Variants in TLR5 observed in about 807,000 individuals in gnomAD.
TLR5 encodes toll like receptor 5.
For missense variants in TLR5, 944 were observed against 999.8 expected (o/e 0.94, Z 0.75); for synonymous variants, 373 against 384.4 (o/e 0.97, Z 0.35).
rs550570603 is a variant in TLR5, at chr1:223,110,418, T to A, written c.*37A>T. On this transcript the variant is annotated 3_prime_UTR_variant, in exon 6 of 6. Transcript: ENST00000642603. ...GGTGCAAATACAAAGTGAAGAGTTA[T>A]TTGTGGCTTGAGATAAGTTGGAAAT... is the stretch of plus-strand genomic sequence containing the variant. 3 of 1,609,798 alleles carry A rather than the reference T, an allele frequency of 1.9e-6. No homozygotes were observed. Among genetic ancestry groups the A allele is most frequent in the East Asian group, 4.5e-5 (2 of 44,856 alleles).
chr1:223,114,081 AGT>A (rs1656505534), intron 5 of TLR5, among the ~76,000 whole-genome samples: 1 of 152,194 alleles, frequency 6.6e-6, no homozygotes, highest in East Asian at 1.9e-4. Flanking sequence ...GTTTAATAAA[AGT>A]GTGATAAGTG....
At position 223,110,537 on chromosome 1, in the gene TLR5, AGT is replaced by A; in HGVS notation, c.2493_2494del (p.Lys831AsnfsTer17). ...TTCTTTCTTTAGTATCTGTTGAGAGAGTTTATGAAGAAACCAGCCAACATCCT... is the reference window on the plus strand; with the variant it reads ...TTCTTTCTTTAGTATCTGTTGAGAGATTATGAAGAAACCAGCCAACATCCT... On this transcript the variant is annotated frameshift_variant, in exon 6 of 6. Transcript: ENST00000642603. LOFTEE classifies it low-confidence loss of function (END_TRUNC). 6.2e-7 allele frequency: 1 copy of A among 1,614,016 alleles called. No individual in the cohort carries two copies. Among genetic ancestry groups the A allele is most frequent in the Non-Finnish European group, 8.5e-7 (1 of 1,179,994 alleles).
At chr1:223,140,392 CA>C (rs1657790189) in intron 2 of TLR5, among the ~76,000 whole-genome samples, 2 of 151,984 alleles carry the variant, frequency 1.3e-5, no homozygotes, top group Non-Finnish European at 2.9e-5. Flanking sequence ...GCTAAAAATA[CA>C]AAAATTAGCT....
Position 223,110,361 on chromosome 1 carries a change from A to C in TLR5, c.*94T>G, listed in dbSNP as rs1000924037. 1 of 1,361,238 alleles carries C rather than the reference A, an allele frequency of 7.3e-7. No homozygotes were observed. The highest frequency in any genetic ancestry group is 1.0e-6 in the Non-Finnish European group (1 of 981,194). The allele number at this position is 1,361,238 out of a possible 1,614,324, so 84.3% of individuals were successfully genotyped here. On this transcript the variant is annotated 3_prime_UTR_variant, in exon 6 of 6. Transcript: ENST00000642603. ...TTCATAGTAGCAAAAAGAAAAAAAA[A>C]ACCTCCAGAGAGGACCCCAAAATGA...
intron 2 of TLR5, among the ~76,000 whole-genome samples, chr1:223,140,571 A>G (rs968195072): frequency 4.0e-5 from 6 of 149,508 alleles, no homozygotes; most frequent in African/African-American, 1.5e-4. Context: ...AGGCATGGTT[A>G]GAATGCTATA....
chr1:223,112,494 T>G lies in TLR5; in HGVS notation c.538A>C (p.Asn180His). The G allele has an allele frequency of 6.2e-7, 1 of 1,614,252 alleles. No individual in the cohort carries two copies. Among genetic ancestry groups the G allele is most frequent in the Non-Finnish European group, 8.5e-7 (1 of 1,180,038 alleles). Residue 180 changes from asparagine to histidine, a missense_variant, in exon 6 of 6, where the codon AAC becomes CAC. By Grantham distance (68) the Asn-to-His change is moderately conservative (BLOSUM62 1). Transcript: ENST00000642603. ...TGTTCACATACAAGGAATATTTGGT[T>G]GGAGGAAAAATCTATGGACTTTAAG... ...NSLKSIDFSS[N>H]QIFLVCEHEL... is the part of the protein sequence containing the mutation.
Position 223,110,561 on chromosome 1 carries a change from T to A in TLR5, c.2471A>T (p.Asp824Val), listed in dbSNP as rs893165483. The A allele has an allele frequency of 9.3e-6, 15 of 1,614,064 alleles. No homozygotes were observed. Among genetic ancestry groups the A allele is most frequent in the Non-Finnish European group, 1.3e-5 (15 of 1,180,040 alleles). The change falls in exon 6 of 6, where the codon GAT becomes GTT. Residue 824 changes from aspartate to valine, a missense_variant. Asp to Val is a radical substitution (Grantham distance 152, BLOSUM62 -3). Coordinates refer to ENST00000642603, the MANE Select transcript of TLR5 (RefSeq NM_003268.6). ...GAGTTTATGAAGAAACCAGCCAACA[T>A]CCTGGAGATCCTCAGGCCACCTCAA... ...QYLRWPEDLQ[D>V]VGWFLHKLSQ...
At chr1:223,141,810 TATATATATATATAGAGAGAGAGAGAG>T (rs1218767079) in intron 1 of TLR5, 47 bp from the exon 2 acceptor site, 2 of 70,722 alleles carry the variant, frequency 2.8e-5, no homozygotes, top group African/African-American at 1.4e-4. Flanking sequence ...TATATATATA[TATATATATATATAGAGAGAGAGAGAG>T]AGAGAGAGAG....
At chr1:223,136,314 G>A (rs939634418) in intron 3 of TLR5, among the ~76,000 whole-genome samples, 1 of 152,198 alleles carries the variant, frequency 6.6e-6, no homozygotes, top group Non-Finnish European at 1.5e-5. Flanking sequence ...TGGACCAGAT[G>A]GGGGAGCAGG....
intron 1 of TLR5, 59 bp from the exon 2 acceptor site, chr1:223,141,822 T>C (rs199914995): frequency 2.3e-5 from 1 of 42,992 alleles, no homozygotes; most frequent in African/African-American, 9.4e-5. Flanking sequence ...TATATATATA[T>C]AGAGAGAGAG....
At position 223,137,369 on chromosome 1, in the gene TLR5, C is replaced by G. The variant is rs1002723535; in HGVS notation, c.-438-106G>C. On this transcript the variant is annotated intron_variant, in intron 2 of 5. Transcript: ENST00000642603. ...GCTTGAATACTGGTTCACCACTTAC[C>G]CCTCAAAGGTACTCACAATAGTCTG... 3 of 152,186 alleles carry G rather than the reference C, an allele frequency of 2.0e-5. No individual in the cohort carries two copies. The East Asian group carries it at 5.8e-4, about 29-fold the overall frequency. 9.4% of individuals were successfully genotyped at this position (152,186 alleles called of 1,614,324 possible). A position where few individuals can be genotyped will look rare whatever the true frequency, so the allele number is the denominator to read the frequency against.
Position 223,141,763 on chromosome 1 carries a change from A to G in TLR5, c.-554T>C, listed in dbSNP as rs1218172453. 1.5e-5 allele frequency: 2 copies of G among 137,460 alleles called. No individual in the cohort carries two copies. Among genetic ancestry groups the G allele is most frequent in the Non-Finnish European group, 3.1e-5 (2 of 65,258 alleles). 8.5% of individuals were successfully genotyped at this position (137,460 alleles called of 1,614,324 possible). On this transcript the variant is annotated splice_region_variant and 5_prime_UTR_variant, in exon 2 of 6. Transcript: ENST00000642603. Reference sequence around the variant, plus strand: ...AGTCCAGCCTGGGCGGCAGAGTGAGACTGTCTCAAAAAAAAAATTACATAT... The same window carrying G: ...AGTCCAGCCTGGGCGGCAGAGTGAGGCTGTCTCAAAAAAAAAATTACATAT...
chr1:223,112,835 A>C lies in TLR5; in HGVS notation c.197T>G (p.Phe66Cys), dbSNP rs1381122644. The C allele has an allele frequency of 1.2e-6, 2 of 1,612,638 alleles. No individual in the cohort carries two copies. The highest frequency in any genetic ancestry group is 1.7e-6 in the Non-Finnish European group (2 of 1,179,212). ...NYIRTVTASS[F>C]PFLEQLQLLE... ...CAGCTGCAGCTGTTCCAGAAAGGGGAAGGATGAAGCAGTGACTGTCCTGAT... is the reference window on the plus strand; with the variant it reads ...CAGCTGCAGCTGTTCCAGAAAGGGGCAGGATGAAGCAGTGACTGTCCTGAT... The change falls in exon 6 of 6, where the codon TTC becomes TGC. Residue 66 changes from phenylalanine (F) to cysteine (C), a missense_variant. By Grantham distance (205) the Phe-to-Cys change is radical (BLOSUM62 -2). Coordinates refer to ENST00000642603, the MANE Select transcript of TLR5 (RefSeq NM_003268.6).
At chr1:223,130,908 C>T (rs1657372703) in intron 5 of TLR5, among the ~76,000 whole-genome samples, 1 of 152,120 alleles carries the variant, frequency 6.6e-6, no homozygotes, top group African/African-American at 2.4e-5. Context: ...TCCTTAATTC[C>T]CAGCTGGAAG....
chr1:223,137,950 ATTT>A (rs3044335), intron 2 of TLR5, among the ~76,000 whole-genome samples: 1,180 of 84,508 alleles, frequency 0.014, 18 homozygotes, highest in African/African-American at 0.055. Context: ...GGCTTTTTAA[ATTT>A]TTTTTTTTTT....
chr1:223,117,929 T>A (rs1220685048), intron 5 of TLR5, among the ~76,000 whole-genome samples: 1 of 152,260 alleles, frequency 6.6e-6, no homozygotes, highest in Non-Finnish European at 1.5e-5. Flanking sequence ...GCACTGGCCA[T>A]CATGAAGTGA....
At chr1:223,132,808 C>T (rs762805536) in intron 4 of TLR5, among the ~76,000 whole-genome samples, 169 bp from the exon 5 acceptor site, 8 of 152,298 alleles carry the variant, frequency 5.3e-5, no homozygotes, top group South Asian at 2.1e-4. Context: ...TAAATCAAGG[C>T]GGACAGAACA....
chr1:223,139,044 T>C (rs888645085), intron 2 of TLR5, among the ~76,000 whole-genome samples: 5 of 152,246 alleles, frequency 3.3e-5, no homozygotes, highest in Non-Finnish European at 5.9e-5. Flanking sequence ...CCCCTTGCCT[T>C]CCACAATGAT....
intron 5 of TLR5, 38 bp from the exon 6 acceptor site, chr1:223,113,073 A>T (rs767285650): frequency 3.4e-5 from 54 of 1,604,240 alleles, no homozygotes; most frequent in Non-Finnish European, 4.4e-5. Context: ...ACAGGCATTT[A>T]AGCTCGAGGT....
Sources: allele counts gnomAD v4.1 joint callset (sites outside exome capture counted in the v4.1 genomes callset), GRCh38; gene constraint gnomAD v4.1.1; transcripts MANE v1.5; gene names NCBI Gene and HGNC (gene_info 2026-07-23, HGNC 2026-07-21).